Variants in MAGI3 observed in about 807,000 individuals in gnomAD.
MAGI3 encodes the protein membrane-associated guanylate kinase, WW and PDZ domain-containing protein 3.
In MAGI3, 43 loss-of-function variants were observed where a neutral mutation model predicts 121.8. The ratio of observed to expected loss-of-function variants is 0.35; its 90% confidence interval spans 0.28 to 0.46. MAGI3 has a LOEUF of 0.46. MAGI3 is among the 20% of genes least tolerant of loss of function. The pLI is 1.00. For synonymous variants in MAGI3, 553 were observed against 639.3 expected, an observed-to-expected ratio of 0.86 and a Z score of 2.04; for missense variants, 1,547 against 1,797.3, an observed-to-expected ratio of 0.86 and a Z score of 2.52.
At chr1:113,411,077 A>G (rs1339296543) in intron 1 of MAGI3, among the ~76,000 whole-genome samples, 2 of 152,164 alleles carry the variant, frequency 1.3e-5, no homozygotes, top group African/African-American at 4.8e-5. Flanking sequence ...TAAAAAGTTG[A>G]ATCAGTCTTA....
In MAGI3 at chr1:113,594,495, C is replaced by A; in HGVS notation, c.953C>A (p.Thr318Lys). 2 of 1,612,504 alleles carry A rather than the reference C, an allele frequency of 1.2e-6. No individual in the cohort carries two copies. Among genetic ancestry groups the A allele is most frequent in the South Asian group, 1.1e-5 (1 of 90,712 alleles). Residue 318 changes from threonine (T) to lysine (K), a missense_variant, in exon 6 of 21, where the codon ACA (threonine) becomes AAA (lysine). Transcript: ENST00000307546. ...MIYFIDHNTK[T>K]TTWLDPRLCK... The stretch of plus-strand genomic sequence containing the variant: ...TTATTCTACAGCCACAATACCAAGA[C>A]AACCACCTGGTTGGATCCTCGTCTT...
intron 1 of MAGI3, among the ~76,000 whole-genome samples, chr1:113,457,954 G>T (rs576362175): frequency 6.6e-6 from 1 of 152,168 alleles, no homozygotes; most frequent in Non-Finnish European, 1.5e-5. Context: ...ACAGAAAGGA[G>T]GCCAATGTGG....
intron 12 of MAGI3, among the ~76,000 whole-genome samples, chr1:113,647,803 A>G (rs1453927143): frequency 6.6e-6 from 1 of 152,208 alleles, no homozygotes; most frequent in African/African-American, 2.4e-5. Context: ...TAGCATAACA[A>G]TGTAGAATCC....
At chr1:113,586,266 C>G (rs574034796) in intron 4 of MAGI3, among the ~76,000 whole-genome samples, 1 of 152,292 alleles carries the variant, frequency 6.6e-6, no homozygotes, top group Admixed American at 6.5e-5. Flanking sequence ...ATTCAGAACA[C>G]TAGAATGTAA....
chr1:113,492,334 A>G (rs1307408118), intron 1 of MAGI3, among the ~76,000 whole-genome samples: 1 of 152,100 alleles, frequency 6.6e-6, no homozygotes, highest in Non-Finnish European at 1.5e-5. Flanking sequence ...CATGTTAAAA[A>G]CTCTCAATAA....
intron 11 of MAGI3, among the ~76,000 whole-genome samples, chr1:113,645,784 A>G (rs963392827): frequency 2.6e-5 from 4 of 152,220 alleles, no homozygotes; most frequent in African/African-American, 9.6e-5. Flanking sequence ...AGCTGGTCTC[A>G]AAACCATATT....
At chr1:113,428,680 A>G (rs1653146015) in intron 1 of MAGI3, among the ~76,000 whole-genome samples, 1 of 152,232 alleles carries the variant, frequency 6.6e-6, no homozygotes, top group South Asian at 2.1e-4. Context: ...ATAGGAAATT[A>G]TTAATGAGAT....
intron 14 of MAGI3, among the ~76,000 whole-genome samples, chr1:113,651,671 A>G (rs1039816040): frequency 6.6e-6 from 1 of 152,150 alleles, no homozygotes; most frequent in East Asian, 1.9e-4. Flanking sequence ...TTGTATTTTT[A>G]GTAGAGACGG....
intron 1 of MAGI3, among the ~76,000 whole-genome samples, chr1:113,543,679 G>A (rs917936186): frequency 1.2e-4 from 18 of 151,946 alleles, no homozygotes; most frequent in Non-Finnish European, 2.5e-4. Flanking sequence ...ACCAGTCTGG[G>A]CAACATGACA....
chr1:113,550,977 A>T (rs1659764556), intron 2 of MAGI3, among the ~76,000 whole-genome samples: 1 of 149,544 alleles, frequency 6.7e-6, no homozygotes. Context: ...AAAAAGAAGA[A>T]GAAGAAAAAG....
chr1:113,454,821 G>A (rs1654665864), intron 1 of MAGI3, among the ~76,000 whole-genome samples: 1 of 152,154 alleles, frequency 6.6e-6, no homozygotes, highest in Non-Finnish European at 1.5e-5. Context: ...TTACAACAGT[G>A]CCTGGTGTAT....
chr1:113,509,353 T>A (rs1311529460), intron 1 of MAGI3, among the ~76,000 whole-genome samples: 2 of 141,462 alleles, frequency 1.4e-5, no homozygotes, highest in East Asian at 3.0e-4. Flanking sequence ...CAATTATCTT[T>A]TCTTTTTTTT....
At chr1:113,552,585 T>A (rs181532044) in intron 2 of MAGI3, among the ~76,000 whole-genome samples, 2 of 152,352 alleles carry the variant, frequency 1.3e-5, no homozygotes, top group East Asian at 1.9e-4. Flanking sequence ...GTCTTTTTTT[T>A]ATACTGCCCT....
chr1:113,455,864 T>C (rs2101500335), intron 1 of MAGI3, among the ~76,000 whole-genome samples: 1 of 152,322 alleles, frequency 6.6e-6, no homozygotes, highest in South Asian at 2.1e-4. Context: ...TTGCTTATTC[T>C]TGCCTAGCAC....
At chr1:113,514,152 T>G (rs2101616685) in intron 1 of MAGI3, among the ~76,000 whole-genome samples, 1 of 152,234 alleles carries the variant, frequency 6.6e-6, no homozygotes, top group East Asian at 1.9e-4. Context: ...TGTGGAGAAA[T>G]AGGACCACTT....
rs1276982948 is a variant in MAGI3, at chr1:113,390,589, G to C, written c.-445G>C. 6.6e-6 allele frequency among the ~76,000 whole-genome samples: 1 copy of C among 152,030 alleles called. No homozygotes were observed. The highest frequency in any genetic ancestry group is 2.4e-5 in the African/African-American group (1 of 41,422). On this transcript the variant is annotated 5_prime_UTR_variant, in exon 1 of 21. Coordinates refer to ENST00000307546, the MANE Select transcript of MAGI3 (RefSeq NM_001142782.2). ...AGCGGCCACGATCGATCCCGCGACG[G>C]GTCTACGCGCGCTTCTGCGCGCCCC...
intron 2 of MAGI3, among the ~76,000 whole-genome samples, chr1:113,578,582 G>T (rs1264318608): frequency 6.6e-6 from 1 of 151,790 alleles, no homozygotes; most frequent in Non-Finnish European, 1.5e-5. Flanking sequence ...CACTATACCT[G>T]GCTAATTTTA....
At chr1:113,396,000 A>AT (rs980804150) in intron 1 of MAGI3, among the ~76,000 whole-genome samples, 1 of 152,118 alleles carries the variant, frequency 6.6e-6, no homozygotes, top group African/African-American at 2.4e-5. Flanking sequence ...CACATACTTT[A>AT]TAAAACCTTT....
chr1:113,555,825 C>T (rs1344050959), intron 2 of MAGI3, among the ~76,000 whole-genome samples: 3 of 151,636 alleles, frequency 2.0e-5, no homozygotes, highest in Non-Finnish European at 4.4e-5. Flanking sequence ...ATCCCTTGAG[C>T]CCAGGAGTTT....
Sources: allele counts gnomAD v4.1 joint callset (sites outside exome capture counted in the v4.1 genomes callset), GRCh38; gene constraint gnomAD v4.1.1; transcripts MANE v1.5; gene names NCBI Gene and HGNC (gene_info 2026-07-23, HGNC 2026-07-21).